ENTHD1: variants seen among roughly 807,000 people sequenced by gnomAD.
The protein encoded by ENTHD1 is ENTH domain containing 1.
Under a neutral mutation model 39.1 loss-of-function variants are expected in ENTHD1, and 23 were observed. That is an observed-to-expected ratio of 0.59 (90% CI 0.42 to 0.83). The LOEUF (loss-of-function observed/expected upper bound fraction) is 0.83, where lower values mean the gene tolerates loss of function less well. Among genes scored for constraint, ENTHD1 ranks in the 40% least tolerant of loss-of-function variants. The pLI, the probability that ENTHD1 is intolerant of heterozygous loss-of-function variation, is 0.00. For missense variants in ENTHD1, 624 were observed against 705.4 expected (o/e 0.88, Z 1.31); for synonymous variants, 230 against 258.2 (o/e 0.89, Z 1.05).
intron 5 of ENTHD1, among the ~76,000 whole-genome samples, chr22:39,812,800 G>A (rs903904978): frequency 6.6e-6 from 1 of 151,870 alleles, no homozygotes; most frequent in African/African-American, 2.4e-5. Flanking sequence ...TGTTTTGTTT[G>A]AGATGGGAGT....
chr22:39,873,910 C>T lies in ENTHD1; in HGVS notation c.350-11903G>A, dbSNP rs545558887. On this transcript the variant is annotated intron_variant, in intron 2 of 6. Coordinates refer to ENST00000325157, the MANE Select transcript of ENTHD1 (RefSeq NM_152512.4). Reference sequence around the variant, plus strand: ...AACCATATGTATTAGTCCACTTTCACACTGCTGATAAAGACATATCAAAGA... The same window carrying T: ...AACCATATGTATTAGTCCACTTTCATACTGCTGATAAAGACATATCAAAGA... Among the ~76,000 whole-genome samples, 3 of 152,302 alleles carry T rather than the reference C, an allele frequency of 2.0e-5. No homozygotes were observed. The South Asian group carries it at 6.2e-4, about 32-fold the overall frequency.
intron 3 of ENTHD1, among the ~76,000 whole-genome samples, chr22:39,840,602 A>G (rs895818214): frequency 6.6e-6 from 1 of 152,200 alleles, no homozygotes; most frequent in Non-Finnish European, 1.5e-5. Flanking sequence ...TAACAGACAG[A>G]TATATTGCAT....
At chr22:39,752,552 T>C (rs1569124795) in intron 6 of ENTHD1, among the ~76,000 whole-genome samples, 1 of 152,196 alleles carries the variant, frequency 6.6e-6, no homozygotes, top group Non-Finnish European at 1.5e-5. Flanking sequence ...TTATGGTACA[T>C]TAATTAGATT....
chr22:39,778,370 A>C lies in ENTHD1; in HGVS notation c.833-12761T>G, dbSNP rs562811030. Among the ~76,000 whole-genome samples the C allele has an allele frequency of 2.6e-5, 4 of 152,286 alleles. No individual in the cohort carries two copies. The East Asian group carries it at 7.7e-4, about 29-fold the overall frequency. On this transcript the variant is annotated intron_variant, in intron 5 of 6. Coordinates refer to ENST00000325157, the MANE Select transcript of ENTHD1 (RefSeq NM_152512.4). Reference sequence around the variant, plus strand: ...TTGAGATCAAGAGAACTGGTATACTATGTAAATATGACAGTGATATGAAGA... The same window carrying C: ...TTGAGATCAAGAGAACTGGTATACTCTGTAAATATGACAGTGATATGAAGA...
At chr22:39,747,327 G>C (rs2065113492) in intron 6 of ENTHD1, among the ~76,000 whole-genome samples, 1 of 152,094 alleles carries the variant, frequency 6.6e-6, no homozygotes, top group Non-Finnish European at 1.5e-5. Context: ...GCACCAGATG[G>C]AGTAGGTTTT....
intron 5 of ENTHD1, among the ~76,000 whole-genome samples, chr22:39,783,611 ATCTTTGG>A (rs1414747516): frequency 6.6e-6 from 1 of 151,536 alleles, no homozygotes; most frequent in Non-Finnish European, 1.5e-5. Flanking sequence ...CAGCCAACTC[ATCTTTGG>A]CTGTAAAAGG....
At chr22:39,846,703 A>G in intron 3 of ENTHD1, among the ~76,000 whole-genome samples, 1 of 152,274 alleles carries the variant, frequency 6.6e-6, no homozygotes, top group South Asian at 2.1e-4. Flanking sequence ...CAAGAAAAAA[A>G]CAAACAACCC....
At chr22:39,884,418 G>T (rs1003529070) in intron 2 of ENTHD1, among the ~76,000 whole-genome samples, 1 of 152,062 alleles carries the variant, frequency 6.6e-6, no homozygotes, top group Admixed American at 6.5e-5. Flanking sequence ...GGCCTCAAGT[G>T]ATCTGCCTGC....
chr22:39,763,865 A>G (rs1288419019), intron 6 of ENTHD1, among the ~76,000 whole-genome samples: 1 of 152,188 alleles, frequency 6.6e-6, no homozygotes, highest in African/African-American at 2.4e-5. Flanking sequence ...AAATAAAAAA[A>G]CCAAACGTAT....
At chr22:39,833,123 C>T (rs577500362) in intron 4 of ENTHD1, among the ~76,000 whole-genome samples, 5 of 152,266 alleles carry the variant, frequency 3.3e-5, no homozygotes, top group African/African-American at 1.2e-4. Context: ...GCTACTTCTT[C>T]TTGGGGTATT....
chr22:39,756,785 G>A (rs2065188974), intron 6 of ENTHD1, among the ~76,000 whole-genome samples: 1 of 151,770 alleles, frequency 6.6e-6, no homozygotes, highest in Non-Finnish European at 1.5e-5. Context: ...TCAATCAGAG[G>A]GTCAATATTT....
Position 39,765,540 on chromosome 22 carries a change from T to C in ENTHD1, c.902A>G (p.Asp301Gly). 6.2e-7 allele frequency: 1 copy of C among 1,613,830 alleles called. No homozygotes were observed. Reference protein sequence around the residue: ...QRDVSLDKRSDGIFTNTVTEN... With the variant: ...QRDVSLDKRSGGIFTNTVTEN... ...TGTGACAGTATTTGTAAAGATACCA[T>C]CTGATCTCTTGTCCAAACTCACATC... is the stretch of plus-strand genomic sequence containing the variant. The change falls in exon 6 of 7, where the codon GAT (aspartate) becomes GGT (glycine). Residue 301 changes from aspartate (D) to glycine (G), a missense_variant. Physicochemically the swap from Asp to Gly is moderately conservative, Grantham distance 94. Transcript: ENST00000325157.
chr22:39,820,926 C>T (rs2065777488), intron 5 of ENTHD1, 67 bp downstream of exon 5: 1 of 1,575,830 alleles, frequency 6.3e-7, no homozygotes, highest in Non-Finnish European at 8.7e-7. Flanking sequence ...TAAATAGAAG[C>T]CAACGGTTGC....
At chr22:39,812,630 G>A (rs2065698660) in intron 5 of ENTHD1, among the ~76,000 whole-genome samples, 1 of 152,198 alleles carries the variant, frequency 6.6e-6, no homozygotes. Flanking sequence ...ACAGGCAGGG[G>A]CTCAACAACA....
At chr22:39,763,198 C>A (rs1035504023) in intron 6 of ENTHD1, among the ~76,000 whole-genome samples, 1 of 152,136 alleles carries the variant, frequency 6.6e-6, no homozygotes, top group Non-Finnish European at 1.5e-5. Flanking sequence ...TTTCCCATGG[C>A]TCCTCCCATT....
chr22:39,799,405 T>G (rs555168680), intron 5 of ENTHD1, among the ~76,000 whole-genome samples: 4 of 152,226 alleles, frequency 2.6e-5, no homozygotes, highest in East Asian at 1.9e-4. Context: ...GATGCAGGAT[T>G]TTTTGCTCCT....
rs770103336 is a variant in ENTHD1, at chr22:39,887,529, A to T, written c.220T>A (p.Ser74Thr). Residue 74 changes from serine (S) to threonine (T), a missense_variant, in exon 2 of 7, where the codon TCC becomes ACC. Ser to Thr is a moderately conservative substitution (Grantham distance 58). Coordinates refer to ENST00000325157, the MANE Select transcript of ENTHD1 (RefSeq NM_152512.4). Reference sequence around the variant, plus strand: ...ATGAGATAATCCATTAGGGTAAGGGATTTATACACGTGGCGCCAGTTCTTC... The same window carrying T: ...ATGAGATAATCCATTAGGGTAAGGGTTTTATACACGTGGCGCCAGTTCTTC... ...HGKNWRHVYKSLTLMDYLIKN... is the reference protein window; with the variant it reads ...HGKNWRHVYKTLTLMDYLIKN... The T allele has an allele frequency of 6.2e-7, 1 of 1,614,170 alleles. No homozygotes were observed. The highest frequency in any genetic ancestry group is 2.2e-5 in the East Asian group (1 of 44,884).
chr22:39,799,279 A>C (rs895465042), intron 5 of ENTHD1, among the ~76,000 whole-genome samples: 1 of 152,176 alleles, frequency 6.6e-6, no homozygotes, highest in South Asian at 2.1e-4. Flanking sequence ...AGCCATAGGC[A>C]GGTAGTTCTC....
At chr22:39,869,266 GA>G (rs1420360840) in intron 2 of ENTHD1, among the ~76,000 whole-genome samples, 1 of 152,142 alleles carries the variant, frequency 6.6e-6, no homozygotes, top group African/African-American at 2.4e-5. Flanking sequence ...CATATACCAC[GA>G]AATACTATGC....
Sources: gnomAD v4.1 joint callset for allele counts (sites outside exome capture counted in the v4.1 genomes callset) on GRCh38, gnomAD v4.1.1 for gene constraint, MANE v1.5 for transcripts, NCBI Gene and HGNC (gene_info 2026-07-23, HGNC 2026-07-21) for gene names.